AFF4: variants seen among roughly 807,000 people sequenced by gnomAD.
AFF4 encodes the protein ALF transcription elongation factor 4.
A neutral mutation model predicts 124.8 loss-of-function variants in AFF4; 13 were observed. The ratio of observed to expected loss-of-function variants is 0.10; its 90% CI spans 0.07 to 0.17. The LOEUF is 0.17. Ranked by LOEUF, AFF4 falls within the 10% of genes least tolerant of loss-of-function variation. The probability of loss-of-function intolerance (pLI) is 1.00; values close to 1 mark genes in which losing one functional copy is unlikely to be tolerated. For missense variants in AFF4, 1,092 were observed against 1,403.8 expected (o/e 0.78, Z 3.55); for synonymous variants, 477 against 496.1 (o/e 0.96, Z 0.51).
chr5:132,907,662 C>T (rs1760701115), intron 5 of AFF4, among the ~76,000 whole-genome samples: 1 of 151,892 alleles, frequency 6.6e-6, no homozygotes. Flanking sequence ...GGAAGATGAG[C>T]AAAGGCTTCC....
Position 132,899,611 on chromosome 5 carries a change from G to A in AFF4, c.1164C>T (p.Ser388=), listed in dbSNP as rs1487233092. The part of the protein sequence containing the change: ...SMLKDDLKLS[S]SEDSDGEQDC... The stretch of plus-strand genomic sequence containing the variant: ...CCTGTTCCCCATCACTGTCTTCACT[G>A]CTGCTTAGTTTTAAGTCATCTTTTA... Residue 388 remains serine (S), a synonymous_variant, in exon 8 of 21, where the codon AGC becomes AGT. Coordinates refer to ENST00000265343, the MANE Select transcript of AFF4 (RefSeq NM_014423.4). 6.2e-7 allele frequency: 1 copy of A among 1,612,328 alleles called. No homozygotes were observed. The highest frequency in any genetic ancestry group is 1.7e-5 in the Admixed American group (1 of 59,976).
chr5:132,933,766 T>C (rs1761354362), intron 3 of AFF4, among the ~76,000 whole-genome samples: 1 of 152,194 alleles, frequency 6.6e-6, no homozygotes, highest in African/African-American at 2.4e-5. Context: ...ATCACCTGCA[T>C]CTCATTCATT....
intron 5 of AFF4, among the ~76,000 whole-genome samples, chr5:132,913,848 A>G (rs981742001): frequency 1.3e-5 from 2 of 152,246 alleles, no homozygotes; most frequent in Non-Finnish European, 2.9e-5. Flanking sequence ...CATGACCACA[A>G]TGGAATTAAA....
chr5:132,897,906 A>T (rs1760449702), intron 10 of AFF4, among the ~76,000 whole-genome samples: 1 of 152,202 alleles, frequency 6.6e-6, no homozygotes, highest in South Asian at 2.1e-4. Context: ...TGTATTACAT[A>T]AGACTCTTTT....
chr5:132,939,925 C>T (rs556473007), intron 1 of AFF4, among the ~76,000 whole-genome samples: 3 of 150,658 alleles, frequency 2.0e-5, no homozygotes, highest in East Asian at 4.1e-4. Context: ...AGGCCAGGAG[C>T]GGTGGCTTAC....
At chr5:132,941,078 A>C (rs550895447) in intron 1 of AFF4, among the ~76,000 whole-genome samples, 7 of 151,772 alleles carry the variant, frequency 4.6e-5, no homozygotes, top group Non-Finnish European at 7.4e-5. Context: ...TATAGTGCTT[A>C]TTCTCTATTT....
At chr5:132,950,773 C>T (rs1302278623) in intron 1 of AFF4, among the ~76,000 whole-genome samples, 40 of 152,202 alleles carry the variant, frequency 2.6e-4, no homozygotes, top group Admixed American at 2.6e-3. Context: ...AGGAAAAAAA[C>T]TCGAATCTTC....
intron 13 of AFF4, 87 bp downstream of exon 13, chr5:132,892,077 C>T (rs755391619): frequency 1.3e-6 from 2 of 1,584,272 alleles, no homozygotes; most frequent in African/African-American, 1.3e-5. Context: ...TGAGATGTTA[C>T]AATAATTTCA....
intron 1 of AFF4, among the ~76,000 whole-genome samples, chr5:132,956,257 A>T (rs1761956242): frequency 6.6e-6 from 1 of 152,174 alleles, no homozygotes; most frequent in Admixed American, 6.6e-5. Flanking sequence ...CAGCAAAAGC[A>T]GCCACAGACA....
intron 1 of AFF4, among the ~76,000 whole-genome samples, chr5:132,949,594 A>C (rs1456068999): frequency 6.6e-6 from 1 of 151,092 alleles, no homozygotes; most frequent in African/African-American, 2.4e-5. Flanking sequence ...GGTGGATCAC[A>C]AGGCCAGGAG....
chr5:132,898,450 A>G, intron 9 of AFF4, 58 bp from the exon 10 acceptor site: 2 of 1,509,064 alleles, frequency 1.3e-6, no homozygotes, highest in Non-Finnish European at 1.8e-6. Flanking sequence ...CAACAGGAAA[A>G]CATCCAAATC....
At chr5:132,924,579 G>A (rs890164127) in intron 5 of AFF4, among the ~76,000 whole-genome samples, 8 of 152,158 alleles carry the variant, frequency 5.3e-5, no homozygotes, top group South Asian at 2.1e-4. Context: ...CAGGCTGGGC[G>A]CGGTGGCTCA....
intron 1 of AFF4, among the ~76,000 whole-genome samples, chr5:132,951,854 A>G (rs1041274376): frequency 6.6e-6 from 1 of 152,188 alleles, no homozygotes; most frequent in Non-Finnish European, 1.5e-5. Flanking sequence ...CTTTTACTAC[A>G]TATGTATATA....
intron 5 of AFF4, among the ~76,000 whole-genome samples, chr5:132,922,423 G>T (rs576123500): frequency 2.6e-5 from 4 of 151,780 alleles, no homozygotes; most frequent in South Asian, 4.2e-4. Context: ...TAAAAAGAAA[G>T]AAATAAAAGT....
intron 7 of AFF4, 64 bp downstream of exon 7, chr5:132,902,378 T>C: frequency 2.3e-6 from 3 of 1,312,658 alleles, no homozygotes; most frequent in Non-Finnish European, 3.3e-6. Flanking sequence ...TCAAAATACC[T>C]AGATATTACA....
chr5:132,889,207 C>G (rs764860171), intron 13 of AFF4, 34 bp from the exon 14 acceptor site: 1 of 1,458,340 alleles, frequency 6.9e-7, no homozygotes, highest in African/African-American at 1.4e-5. Context: ...CAATGAAAAC[C>G]GTAAGGAGAT....
chr5:132,911,836 T>C (rs916109873), intron 5 of AFF4, among the ~76,000 whole-genome samples: 1 of 148,638 alleles, frequency 6.7e-6, no homozygotes, highest in African/African-American at 2.5e-5. Context: ...AAAAAAAAAC[T>C]TAAAGACCGC....
At chr5:132,946,999 G>A (rs1307136274) in intron 1 of AFF4, among the ~76,000 whole-genome samples, 1 of 152,192 alleles carries the variant, frequency 6.6e-6, no homozygotes, top group Non-Finnish European at 1.5e-5. Context: ...AGAGGTTGCA[G>A]TGAGCCGAGA....
Position 132,877,088 on chromosome 5 carries a change from GT to G in AFF4, c.*3970del, listed in dbSNP as rs534981724. 35 of 204,090 alleles carry G rather than the reference GT, an allele frequency of 1.7e-4. No homozygotes were observed. Among genetic ancestry groups the G allele is most frequent in the African/African-American group, 7.8e-4 (34 of 43,812 alleles). 12.6% of individuals were successfully genotyped at this position (204,090 alleles called of 1,614,324 possible). On this transcript the variant is annotated 3_prime_UTR_variant, in exon 21 of 21. Transcript: ENST00000265343. ...ATTAGGGGATATACAGGTATGATAG[GT>G]GTCTATATGGGTTTGAAATGCTCTG...
Sources: gnomAD v4.1 joint callset for allele counts (sites outside exome capture counted in the v4.1 genomes callset) on GRCh38, gnomAD v4.1.1 for gene constraint, MANE v1.5 for transcripts, NCBI Gene and HGNC (gene_info 2026-07-23, HGNC 2026-07-21) for gene names.